YIPF4: variants seen among roughly 807,000 people sequenced by gnomAD.
The protein encoded by YIPF4 is protein YIPF4.
YIPF4 carries 18 observed loss-of-function variants against 29.4 expected under a neutral mutation model. The ratio of observed to expected loss-of-function variants is 0.61; its 90% CI spans 0.42 to 0.91. YIPF4 has a LOEUF of 0.91. Ranked by LOEUF, YIPF4 falls within the 40% of genes least tolerant of loss-of-function variation. YIPF4 has a pLI of 0.00. For missense variants in YIPF4, 279 were observed against 282.7 expected, an observed-to-expected ratio of 0.99 and a Z score of 0.09; for synonymous variants, 115 against 104.7, an observed-to-expected ratio of 1.10 and a Z score of -0.60.
rs2031750288 is a variant in YIPF4 at position 32,313,148 on chromosome 2, C to T, written c.*7522C>T. ...TAAGCAAGTATATAAAAGAAGCCTT[C>T]CTTGAAGCAACGATGCTTAAGCTGA... On this transcript the variant is annotated 3_prime_UTR_variant, in exon 6 of 6. Coordinates refer to ENST00000238831, the MANE Select transcript of YIPF4 (RefSeq NM_032312.4). 6.6e-6 allele frequency: 1 copy of T among 152,020 alleles called. No homozygotes were observed. Among genetic ancestry groups the T allele is most frequent in the African/African-American group, 2.4e-5 (1 of 41,390 alleles). 9.4% of individuals were successfully genotyped at this position (152,020 alleles called of 1,614,324 possible).
At chr2:32,282,108 C>G (rs1282325216) in intron 1 of YIPF4, among the ~76,000 whole-genome samples, 7 of 151,586 alleles carry the variant, frequency 4.6e-5, no homozygotes, top group Non-Finnish European at 7.4e-5. Flanking sequence ...AGAGGTTTAG[C>G]AATTTTCACA....
chr2:32,295,295 C>G (rs1190048232), intron 3 of YIPF4, among the ~76,000 whole-genome samples: 1 of 152,098 alleles, frequency 6.6e-6, no homozygotes, highest in African/African-American at 2.4e-5. Flanking sequence ...TTACTGTTTA[C>G]CACAGGGATT....
intron 4 of YIPF4, 65 bp from the exon 5 acceptor site, chr2:32,301,317 C>A (rs1033800179): frequency 3.9e-6 from 4 of 1,024,732 alleles, no homozygotes; most frequent in South Asian, 2.8e-5. Flanking sequence ...ATATGGTGTT[C>A]AATTTTGATT....
At position 32,282,679 on chromosome 2, in the gene YIPF4, G is replaced by A. The variant is rs183495618; in HGVS notation, c.79+4445G>A. On this transcript the variant is annotated intron_variant, in intron 1 of 5. Transcript: ENST00000238831. ...GAACTCCTGACCTCGTGATCCACCC[G>A]CCTCAGCTTCCCAAAGTGCTGGGAT... Among the ~76,000 whole-genome samples the A allele has an allele frequency of 4.3e-3, 653 of 151,934 alleles. 2 individuals carry two copies. The highest frequency in any genetic ancestry group is 7.2e-3 in the Non-Finnish European group (490 of 67,942).
intron 1 of YIPF4, 143 bp downstream of exon 1, chr2:32,278,377 G>T: frequency 1.3e-6 from 1 of 777,380 alleles, no homozygotes; most frequent in Non-Finnish European, 2.0e-6. Context: ...ACGCCTGCCG[G>T]GCCTTCCGAG....
intron 1 of YIPF4, among the ~76,000 whole-genome samples, chr2:32,287,464 C>T (rs1214105072): frequency 3.3e-5 from 5 of 152,020 alleles, no homozygotes; most frequent in East Asian, 1.9e-4. Flanking sequence ...AGCTTCTTTA[C>T]GTATATAAGA....
intron 3 of YIPF4, among the ~76,000 whole-genome samples, chr2:32,296,027 G>T (rs1033441245): frequency 2.0e-5 from 3 of 152,142 alleles, no homozygotes; most frequent in African/African-American, 7.2e-5. Context: ...ATTTACACTA[G>T]ATTAGTAGTT....
chr2:32,287,472 A>G (rs2030728234), intron 1 of YIPF4, among the ~76,000 whole-genome samples: 1 of 152,332 alleles, frequency 6.6e-6, no homozygotes. Flanking sequence ...TACGTATATA[A>G]GAATGTGTCA....
At position 32,305,941 on chromosome 2, in the gene YIPF4, A is replaced by C. The variant is rs1322007391; in HGVS notation, c.*315A>C. On this transcript the variant is annotated 3_prime_UTR_variant, in exon 6 of 6. Transcript: ENST00000238831. Reference sequence around the variant, plus strand: ...TTGTGCCAAAAGCACCTGGATTGGTAATTATATTTCACTTAAAGGGTAAAT... The same window carrying C: ...TTGTGCCAAAAGCACCTGGATTGGTCATTATATTTCACTTAAAGGGTAAAT... The C allele has an allele frequency of 9.9e-7, 1 of 1,005,092 alleles. No homozygotes were observed. The highest frequency in any genetic ancestry group is 1.2e-6 in the Non-Finnish European group (1 of 843,250). 62.3% of individuals were successfully genotyped at this position (1,005,092 alleles called of 1,614,324 possible). A position where few individuals can be genotyped will look rare whatever the true frequency, so the allele number is the denominator to read the frequency against.
chr2:32,283,405 A>C (rs939806309), intron 1 of YIPF4, among the ~76,000 whole-genome samples: 4 of 152,090 alleles, frequency 2.6e-5, no homozygotes, highest in Non-Finnish European at 5.9e-5. Context: ...CAAATCCCTC[A>C]TTCTTAATGA....
chr2:32,290,668 T>G, intron 2 of YIPF4, 32 bp downstream of exon 2: 1 of 1,346,044 alleles, frequency 7.4e-7, no homozygotes, highest in Non-Finnish European at 9.6e-7. Flanking sequence ...TATTTTTTGT[T>G]TTTTGAGCTA....
At chr2:32,303,477 G>A (rs1366933605) in intron 5 of YIPF4, among the ~76,000 whole-genome samples, 1 of 152,132 alleles carries the variant, frequency 6.6e-6, no homozygotes, top group East Asian at 1.9e-4. Context: ...GGCAGGCCGA[G>A]GCAGGTGGAT....
chr2:32,294,023 G>A (rs1236731906), intron 3 of YIPF4, among the ~76,000 whole-genome samples: 16 of 146,678 alleles, frequency 1.1e-4, no homozygotes, highest in African/African-American at 3.8e-4. Flanking sequence ...CGGACAGGGC[G>A]GCTGGCCGGG....
intron 2 of YIPF4, 31 bp downstream of exon 2, chr2:32,290,667 T>C (rs779871748): frequency 5.2e-6 from 7 of 1,343,168 alleles, no homozygotes; most frequent in Non-Finnish European, 6.8e-6. Context: ...ATATTTTTTG[T>C]TTTTTGAGCT....
intron 3 of YIPF4, among the ~76,000 whole-genome samples, chr2:32,294,087 C>G (rs2031059444): frequency 6.7e-6 from 1 of 149,980 alleles, no homozygotes; most frequent in African/African-American, 2.5e-5. Flanking sequence ...CGCCCCTCAC[C>G]TCCCGGACAG....
Position 32,311,597 on chromosome 2 carries a change from AT to A in YIPF4, c.*5974del, listed in dbSNP as rs2031716393. The A allele has an allele frequency of 6.6e-6, 1 of 152,220 alleles. No individual in the cohort carries two copies. Among genetic ancestry groups the A allele is most frequent in the South Asian group, 2.1e-4 (1 of 4,834 alleles). The allele number at this position is 152,220 out of a possible 1,614,324, so 9.4% of individuals were successfully genotyped here. ...GTTAGATACTAATATGAAAAAGAAT[AT>A]TTGTGTAAAATATTTTGAAGTTGTA... is the stretch of plus-strand genomic sequence containing the variant. On this transcript the variant is annotated 3_prime_UTR_variant, in exon 6 of 6. Transcript: ENST00000238831.
intron 2 of YIPF4, 38 bp from the exon 3 acceptor site, chr2:32,292,139 A>T: frequency 7.5e-7 from 1 of 1,328,916 alleles, no homozygotes; most frequent in Middle Eastern, 2.1e-4. Context: ...GTATTCAGAA[A>T]TGTGTGCCTT....
At chr2:32,284,531 C>T (rs1050822706) in intron 1 of YIPF4, among the ~76,000 whole-genome samples, 7 of 152,118 alleles carry the variant, frequency 4.6e-5, no homozygotes, top group African/African-American at 7.2e-5. Context: ...CTGTCTCTCC[C>T]TCCTCTGGCC....
chr2:32,279,352 A>G (rs1001031604), intron 1 of YIPF4, among the ~76,000 whole-genome samples: 7 of 143,824 alleles, frequency 4.9e-5, no homozygotes, highest in Admixed American at 4.2e-4. Context: ...ATCATAAATT[A>G]TGTTTACAGA....
Sources: gnomAD v4.1 joint callset for allele counts (sites outside exome capture counted in the v4.1 genomes callset) on GRCh38, gnomAD v4.1.1 for gene constraint, MANE v1.5 for transcripts, NCBI Gene and HGNC (gene_info 2026-07-23, HGNC 2026-07-21) for gene names.